MICAL2: variants seen among roughly 807,000 people sequenced by gnomAD.
MICAL2 encodes microtubule associated monooxygenase, calponin and LIM domain containing 2, also known as [F-actin]-monooxygenase MICAL2.
Under a neutral mutation model 127.3 loss-of-function variants are expected in MICAL2, and 77 were observed. The ratio of observed to expected loss-of-function variants is 0.60; its 90% confidence interval spans 0.50 to 0.73. MICAL2 has a LOEUF of 0.73. Ranked by LOEUF, MICAL2 falls within the 30% of genes least tolerant of loss-of-function variation. The pLI, the probability that MICAL2 is intolerant of heterozygous loss-of-function variation, is 0.00. For synonymous variants in MICAL2, 570 were observed against 551.1 expected, an observed-to-expected ratio of 1.03 and a Z score of -0.48; for missense variants, 1,351 against 1,434.4, an observed-to-expected ratio of 0.94 and a Z score of 0.94.
At chr11:12,253,034 C>CA (rs1361791167) in intron 22 of MICAL2, 1 of 152,166 alleles carries the variant, frequency 6.6e-6, no homozygotes, top group Non-Finnish European at 1.5e-5. Flanking sequence ...ATTTACCTCC[C>CA]ACAAGAAGAG....
chr11:12,209,618 G>T lies in MICAL2; in HGVS notation c.691+20G>T. 1.9e-6 allele frequency: 3 copies of T among 1,592,360 alleles called. No individual in the cohort carries two copies. In the Admixed American group the frequency reaches 5.0e-5, roughly 27 times the overall value. ...TGGAAGGTGAAGACTCTTCTTCTTG[G>T]TGTGGGAATGGGGGGATGGGAATGG... On this transcript the variant is annotated intron_variant, in intron 6 of 27. Transcript: ENST00000683283.
chr11:12,153,754 T>C (rs568218064), intron 2 of MICAL2, among the ~76,000 whole-genome samples: 1 of 152,370 alleles, frequency 6.6e-6, no homozygotes, highest in Admixed American at 6.5e-5. Context: ...TATGTCTCTA[T>C]GAATTTGCTT....
intron 2 of MICAL2, among the ~76,000 whole-genome samples, chr11:12,286,432 C>A (rs182465621): frequency 1.3e-5 from 2 of 152,294 alleles, no homozygotes; most frequent in South Asian, 4.1e-4. Context: ...TGTGCATGTA[C>A]GTATGTACAC....
At chr11:12,140,814 A>G (rs887843763) in intron 2 of MICAL2, among the ~76,000 whole-genome samples, 13 of 152,170 alleles carry the variant, frequency 8.5e-5, no homozygotes, top group Non-Finnish European at 1.6e-4. Context: ...CATGAATAAT[A>G]CCTGTGGCCT....
chr11:12,343,933 A>G (rs2134886829), intron 32 of MICAL2, among the ~76,000 whole-genome samples: 1 of 152,344 alleles, frequency 6.6e-6, no homozygotes, highest in African/African-American at 2.4e-5. Context: ...AAGATGGAAC[A>G]TAGAACAGTG....
intron 32 of MICAL2, among the ~76,000 whole-genome samples, chr11:12,344,038 G>C (rs936964992): frequency 1.3e-5 from 2 of 152,194 alleles, no homozygotes; most frequent in African/African-American, 4.8e-5. Flanking sequence ...GGTGACACCT[G>C]CAATCCCAGC....
chr11:12,210,945 T>C (rs1429142434), intron 6 of MICAL2, among the ~76,000 whole-genome samples: 1 of 152,196 alleles, frequency 6.6e-6, no homozygotes, highest in Non-Finnish European at 1.5e-5. Flanking sequence ...CAACCAAATA[T>C]GTCTCCACAC....
chr11:12,122,328 T>A (rs547013006), intron 1 of MICAL2, among the ~76,000 whole-genome samples: 8 of 152,356 alleles, frequency 5.3e-5, no homozygotes, highest in African/African-American at 1.9e-4. Context: ...ACAGGAGCCT[T>A]GGAGCACAGA....
intron 32 of MICAL2, among the ~76,000 whole-genome samples, chr11:12,341,534 A>G (rs1590745618): frequency 1.3e-5 from 2 of 152,222 alleles, no homozygotes; most frequent in East Asian, 3.9e-4. Context: ...TCTATTCCAA[A>G]AAATGTTATT....
At chr11:12,327,169 G>T (rs1270244997) in intron 31 of MICAL2, 1 of 1,551,500 alleles carries the variant, frequency 6.4e-7, no homozygotes, top group South Asian at 1.2e-5. Context: ...TCCTGGTGTT[G>T]CAGGCCATCC....
intron 5 of MICAL2, among the ~76,000 whole-genome samples, chr11:12,208,826 C>T (rs1278612144): frequency 3.3e-5 from 5 of 152,150 alleles, no homozygotes; most frequent in African/African-American, 1.2e-4. Context: ...TGTCAGAGAC[C>T]TTGTGGTTTC....
At chr11:12,267,157 C>T (rs1417443076), downstream of MICAL2, among the ~76,000 whole-genome samples, 1 of 152,208 alleles carries the variant, frequency 6.6e-6, no homozygotes, top group Non-Finnish European at 1.5e-5. Context: ...CCTTCCCTCC[C>T]ACCACCTGCC....
intron 24 of MICAL2, among the ~76,000 whole-genome samples, chr11:12,258,009 G>C (rs1016862753): frequency 6.6e-6 from 1 of 152,184 alleles, no homozygotes; most frequent in African/African-American, 2.4e-5. Context: ...CCATTTAGCT[G>C]CCTGGCAACC....
At chr11:12,324,477 A>G (rs529453220) in intron 31 of MICAL2, among the ~76,000 whole-genome samples, 1 of 152,336 alleles carries the variant, frequency 6.6e-6, no homozygotes, top group South Asian at 2.1e-4. Flanking sequence ...GGCTGTCTCT[A>G]TTTCAAGATT....
intron 3 of MICAL2, among the ~76,000 whole-genome samples, chr11:12,187,547 G>T (rs11022241): frequency 6.6e-6 from 1 of 151,958 alleles, no homozygotes; most frequent in South Asian, 2.1e-4. Flanking sequence ...TTGTTACTGA[G>T]TGGTCCCAGG....
intron 3 of MICAL2, among the ~76,000 whole-genome samples, chr11:12,199,588 C>T (rs1860406640): frequency 6.6e-6 from 1 of 152,206 alleles, no homozygotes; most frequent in Non-Finnish European, 1.5e-5. Context: ...CACTTGCCCA[C>T]TTGTAGGCTG....
chr11:12,134,924 A>C (rs899190417), intron 1 of MICAL2, among the ~76,000 whole-genome samples: 14 of 152,238 alleles, frequency 9.2e-5, no homozygotes, highest in African/African-American at 3.4e-4. Context: ...GGAAGACAGC[A>C]TGTGACCTCC....
intron 29 of MICAL2, among the ~76,000 whole-genome samples, chr11:12,307,056 T>C (rs1028357743): frequency 6.6e-6 from 1 of 152,242 alleles, no homozygotes; most frequent in Non-Finnish European, 1.5e-5. Context: ...CAAAGTGACA[T>C]GCCATACAAC....
In MICAL2 at chr11:12,260,126, G is replaced by A. The variant is rs551113687; in HGVS notation, c.3334+229G>A. On this transcript the variant is annotated intron_variant, in intron 26 of 27. Transcript: ENST00000683283. ...AGGGAATCTGAGGGCTCCCTCGAGA[G>A]CATCTGCAACTGGGTGCTCAGGTGC... 21 of 1,534,872 alleles carry A rather than the reference G, an allele frequency of 1.4e-5. No homozygotes were observed. In the South Asian group the frequency reaches 2.4e-4, roughly 17 times the overall value.
Sources: allele counts gnomAD v4.1 joint callset (sites outside exome capture counted in the v4.1 genomes callset), GRCh38; gene constraint gnomAD v4.1.1; transcripts MANE v1.5; gene names NCBI Gene and HGNC (gene_info 2026-07-23, HGNC 2026-07-21).